Variants in FAM151A observed in about 807,000 individuals in gnomAD.
FAM151A encodes family with sequence similarity 151 member A.
In FAM151A, 41 loss-of-function variants were observed where a neutral mutation model predicts 40.4. The observed-to-expected ratio is 1.01, with a 90% confidence interval of 0.79 to 1.32. FAM151A has a LOEUF of 1.32. Among genes scored for constraint, FAM151A ranks in the 40% most tolerant of loss-of-function variants. The pLI is 0.00. For missense variants in FAM151A, 740 were observed against 740.4 expected, an observed-to-expected ratio of 1.00 and a Z score of 0.01; for synonymous variants, 337 against 312.5, an observed-to-expected ratio of 1.08 and a Z score of -0.83.
intron 6 of FAM151A, chr1:54,610,974 T>G (rs1334521364): frequency 1.0e-6 from 1 of 985,178 alleles, no homozygotes; most frequent in Non-Finnish European, 1.2e-6. Context: ...TCTGAAACAT[T>G]AGAGTAACCA....
intron 2 of FAM151A, 38 bp from the exon 3 acceptor site, chr1:54,616,210 T>A (rs201521481): frequency 9.1e-4 from 1,418 of 1,555,286 alleles, no homozygotes; most frequent in Non-Finnish European, 1.2e-3. Flanking sequence ...TTCCTTTTTT[T>A]AAAAAAAGAA....
At chr1:54,613,320 G>A (rs2101017056) in intron 4 of FAM151A, among the ~76,000 whole-genome samples, 1 of 152,118 alleles carries the variant, frequency 6.6e-6, no homozygotes, top group South Asian at 2.1e-4. Flanking sequence ...CGGAGGTTGT[G>A]GTGAGCTGAG....
At position 54,619,988 on chromosome 1, in the gene FAM151A, G is replaced by A. The variant is rs1644213931; in HGVS notation, c.138C>T (p.Cys46=). Residue 46 remains cysteine, a synonymous_variant, in exon 2 of 8, where the codon TGC becomes TGT. Coordinates refer to ENST00000302250, the MANE Select transcript of FAM151A (RefSeq NM_176782.3). ...LRRPGCELEA[C]SPDADMLDYL... ...AGTCCAGCATGTCGGCATCAGGGCTGCAGGCCTCCAGCTCACAGCCTGGAA... is the reference window on the plus strand; with the variant it reads ...AGTCCAGCATGTCGGCATCAGGGCTACAGGCCTCCAGCTCACAGCCTGGAA... 1 of 1,613,740 alleles carries A rather than the reference G, an allele frequency of 6.2e-7. No homozygotes were observed. The highest frequency in any genetic ancestry group is 2.2e-5 in the East Asian group (1 of 44,880).
intron 2 of FAM151A, among the ~76,000 whole-genome samples, chr1:54,619,304 A>G (rs932574974): frequency 2.0e-5 from 3 of 152,218 alleles, no homozygotes; most frequent in Non-Finnish European, 4.4e-5. Flanking sequence ...GTCAAGCGTC[A>G]CGCAGTGGCT....
At position 54,610,522 on chromosome 1, in the gene FAM151A, C is replaced by T; in HGVS notation, c.974G>A (p.Gly325Glu). Residue 325 changes from glycine (G) to glutamate (E), a missense_variant, in exon 7 of 8, where the codon GGA (glycine) becomes GAA (glutamate). Physicochemically the swap from Gly to Glu is moderately conservative, Grantham distance 98. Transcript: ENST00000302250. ...NATRKPMYYT[G>E]GSLIPLLQLP... Reference sequence around the variant, plus strand: ...CTGGAGAAGAGGGATCAGGCTGCCTCCCGTGTAGTACATTGGTTTCCGTGT... The same window carrying T: ...CTGGAGAAGAGGGATCAGGCTGCCTTCCGTGTAGTACATTGGTTTCCGTGT... 2.5e-6 allele frequency: 4 copies of T among 1,613,488 alleles called. No individual in the cohort carries two copies. Among genetic ancestry groups the T allele is most frequent in the Middle Eastern group, 1.7e-4 (1 of 6,050 alleles).
chr1:54,609,229 C>T lies in FAM151A; in HGVS notation c.*39G>A. 1 of 1,591,662 alleles carries T rather than the reference C, an allele frequency of 6.3e-7. No individual in the cohort carries two copies. The highest frequency in any genetic ancestry group is 1.1e-5 in the South Asian group (1 of 87,140). On this transcript the variant is annotated 3_prime_UTR_variant, in exon 8 of 8. Coordinates refer to ENST00000302250, the MANE Select transcript of FAM151A (RefSeq NM_176782.3). The stretch of plus-strand genomic sequence containing the variant: ...TTCTTCCTGCCTCCCCGTGGGAAGC[C>T]TCCGCCCTGAGGTCCGCTGGCCCAC...
At position 54,621,195 on chromosome 1, in the gene FAM151A, G is replaced by A. The variant is rs575941881; in HGVS notation, c.119-1188C>T. 6.0e-5 allele frequency among the ~76,000 whole-genome samples: 9 copies of A among 150,478 alleles called. No individual in the cohort carries two copies. In the South Asian group the frequency reaches 1.3e-3, roughly 21 times the overall value. On this transcript the variant is annotated intron_variant, in intron 1 of 7. Coordinates refer to ENST00000302250, the MANE Select transcript of FAM151A (RefSeq NM_176782.3). The stretch of plus-strand genomic sequence containing the variant: ...AAAAAACCTGCGCGCGGCGGCTGAC[G>A]CCTGTAATCCCAGCACTTTGGGAGA...
At chr1:54,616,661 C>A (rs139362815) in intron 2 of FAM151A, among the ~76,000 whole-genome samples, 167 of 152,308 alleles carry the variant, frequency 1.1e-3, no homozygotes, top group African/African-American at 3.9e-3. Flanking sequence ...GCGTGAGCCA[C>A]CGTGCCCGGC....
At chr1:54,622,329 C>T (rs1346711803) in intron 1 of FAM151A, among the ~76,000 whole-genome samples, 1 of 149,658 alleles carries the variant, frequency 6.7e-6, no homozygotes, top group Non-Finnish European at 1.5e-5. Context: ...GCCTGTAATC[C>T]CAGAACTTTG....
chr1:54,610,619 T>C, intron 6 of FAM151A, 64 bp from the exon 7 acceptor site: 2 of 1,569,606 alleles, frequency 1.3e-6, no homozygotes, highest in Non-Finnish European at 1.7e-6. Flanking sequence ...ACCTGGTTGC[T>C]AGGGTCCCAT....
Position 54,610,912 on chromosome 1 carries a change from AG to A in FAM151A, c.941-358del, listed in dbSNP as rs533055622. Reference sequence around the variant, plus strand: ...TTCTGGGTTCGGGGTCAAGGGAATGAGGGGTTTGGATAGTGGCATCTGATCA... The same window carrying A: ...TTCTGGGTTCGGGGTCAAGGGAATGAGGGTTTGGATAGTGGCATCTGATCA... On this transcript the variant is annotated intron_variant, in intron 6 of 7. Transcript: ENST00000302250. 164 of 985,304 alleles carry A rather than the reference AG, an allele frequency of 1.7e-4. No homozygotes were observed. In the South Asian group the frequency reaches 6.9e-3, roughly 41 times the overall value. 61.0% of individuals were successfully genotyped at this position (985,304 alleles called of 1,614,324 possible). A position where few individuals can be genotyped will look rare whatever the true frequency, so the allele number is the denominator to read the frequency against.
At chr1:54,610,366 C>A in intron 7 of FAM151A, 46 bp downstream of exon 7, 1 of 1,599,692 alleles carries the variant, frequency 6.3e-7, no homozygotes. Context: ...CAAAGGACAC[C>A]CCTGCAGATG....
At chr1:54,610,371 C>T (rs1357945684) in intron 7 of FAM151A, 41 bp downstream of exon 7, 2 of 1,602,050 alleles carry the variant, frequency 1.2e-6, no homozygotes. Context: ...GACACCCCTG[C>T]AGATGAGCTG....
chr1:54,610,757 A>G lies in FAM151A; in HGVS notation c.941-202T>C, dbSNP rs733035. On this transcript the variant is annotated intron_variant, in intron 6 of 7. Coordinates refer to ENST00000302250, the MANE Select transcript of FAM151A (RefSeq NM_176782.3). ...CTTATAAGCAGTAAGCAAAGTTGCC[A>G]GGAGTGGAACCTGATGGGACCAGGT... The G allele has an allele frequency of 0.59, 583,805 of 983,996 alleles. 173,942 individuals carry two copies. The highest frequency in any genetic ancestry group is 0.61 in the Middle Eastern group (1,164 of 1,914). 61.0% of individuals were successfully genotyped at this position (983,996 alleles called of 1,614,324 possible).
intron 7 of FAM151A, 144 bp from the exon 8 acceptor site, chr1:54,610,085 A>T: frequency 7.0e-7 from 1 of 1,435,972 alleles, no homozygotes; most frequent in Non-Finnish European, 9.1e-7. Flanking sequence ...TTTGGGCTCC[A>T]GGTGGATGGG....
At position 54,609,478 on chromosome 1, in the gene FAM151A, C is replaced by A. The variant is rs1464465269; in HGVS notation, c.1548G>T (p.Leu516=). 6 of 1,613,456 alleles carry A rather than the reference C, an allele frequency of 3.7e-6. No individual in the cohort carries two copies. The East Asian group carries it at 1.3e-4, about 36-fold the overall frequency. ...QPVSFQMQAM[L]LGHSTAGAIG... is the part of the protein sequence containing the mutation. ...TGGCTCCAGCTGTGCTGTGGCCCAG[C>A]AGCATGGCCTGCATCTGGAAGGACA... Residue 516 remains leucine (L), a synonymous_variant, in exon 8 of 8, where the codon CTG becomes CTT. Coordinates refer to ENST00000302250, the MANE Select transcript of FAM151A (RefSeq NM_176782.3).
In FAM151A at chr1:54,619,959, A is replaced by G; in HGVS notation, c.167T>C (p.Leu56Pro). The G allele has an allele frequency of 1.2e-6, 2 of 1,614,162 alleles. No homozygotes were observed. The highest frequency in any genetic ancestry group is 8.5e-7 in the Non-Finnish European group (1 of 1,180,022). ...CSPDADMLDY[L>P]LSLGQISRRD... The stretch of plus-strand genomic sequence containing the variant: ...CCGGCTGATCTGGCCCAGGCTCAGC[A>G]GGTAGTCCAGCATGTCGGCATCAGG... Residue 56 changes from leucine (L) to proline (P), a missense_variant, in exon 2 of 8, where the codon CTG becomes CCG. Physicochemically the swap from Leu to Pro is moderately conservative, Grantham distance 98. Transcript: ENST00000302250.
chr1:54,614,226 C>T (rs1023230506), intron 4 of FAM151A, among the ~76,000 whole-genome samples: 4 of 152,122 alleles, frequency 2.6e-5, no homozygotes, highest in Non-Finnish European at 5.9e-5. Flanking sequence ...CTGTGAGCAG[C>T]GGTGCTGGAA....
chr1:54,620,047 C>A, intron 1 of FAM151A, 40 bp from the exon 2 acceptor site: 1 of 1,602,968 alleles, frequency 6.2e-7, no homozygotes. Context: ...TCTGTCCTCG[C>A]CCCAGCCCAA....
Sources: gnomAD v4.1 joint callset for allele counts (sites outside exome capture counted in the v4.1 genomes callset) on GRCh38, gnomAD v4.1.1 for gene constraint, MANE v1.5 for transcripts, NCBI Gene and HGNC (gene_info 2026-07-23, HGNC 2026-07-21) for gene names.